RAD51B: variants seen among roughly 807,000 people sequenced by gnomAD.
RAD51B encodes the protein DNA repair protein RAD51 homolog 2.
RAD51B carries 38 observed loss-of-function variants against 42.2 expected under a neutral mutation model. The observed-to-expected ratio is 0.90, with a 90% CI of 0.70 to 1.18. The LOEUF is 1.18. Ranked by LOEUF, RAD51B falls within the 50% of genes most tolerant of loss-of-function variation. The probability of loss-of-function intolerance (pLI) is 0.00; values close to 1 mark genes in which losing one functional copy is unlikely to be tolerated. For missense variants in RAD51B, 373 were observed against 400.7 expected (o/e 0.93, Z 0.59); for synonymous variants, 154 against 145.2 (o/e 1.06, Z -0.43).
chr14:68,615,036 C>T (rs941720464), downstream of RAD51B, among the ~76,000 whole-genome samples: 9 of 152,138 alleles, frequency 5.9e-5, no homozygotes, highest in Admixed American at 5.9e-4. Flanking sequence ...CCAGGCCCAG[C>T]TAATTTTTGT....
chr14:68,481,601 TG>T (rs568020419), downstream of RAD51B, among the ~76,000 whole-genome samples: 83 of 152,358 alleles, frequency 5.4e-4, no homozygotes, highest in Non-Finnish European at 9.8e-4. Flanking sequence ...TCTTCTCTAA[TG>T]CTTCCAGTAA....
intron 9 of RAD51B, among the ~76,000 whole-genome samples, chr14:68,427,870 T>G (rs2084892178): frequency 6.6e-6 from 1 of 152,214 alleles, no homozygotes; most frequent in African/African-American, 2.4e-5. Context: ...AAAATACATG[T>G]GTTGGAAACT....
chr14:68,346,228 A>G (rs566853032), intron 8 of RAD51B, among the ~76,000 whole-genome samples: 2 of 152,354 alleles, frequency 1.3e-5, no homozygotes, highest in Middle Eastern at 3.4e-3. Context: ...TTCAAAAGCC[A>G]CAAGGACAGA....
chr14:67,922,855 C>A (rs1274138128), intron 7 of RAD51B, among the ~76,000 whole-genome samples: 1 of 152,070 alleles, frequency 6.6e-6, no homozygotes, highest in Non-Finnish European at 1.5e-5. Flanking sequence ...CCACGCCTGG[C>A]TAATTTTTGT....
intron 10 of RAD51B, among the ~76,000 whole-genome samples, chr14:68,580,396 G>A (rs185808148): frequency 6.6e-6 from 1 of 152,250 alleles, no homozygotes; most frequent in Admixed American, 6.5e-5. Context: ...GAGGAGGCCT[G>A]TCCTACCTTT....
chr14:68,009,877 A>G (rs2075654822), intron 7 of RAD51B, among the ~76,000 whole-genome samples: 1 of 151,858 alleles, frequency 6.6e-6, no homozygotes, highest in African/African-American at 2.4e-5. Context: ...ATTATCTTAG[A>G]CTATTCTATC....
At chr14:68,439,930 G>C (rs1396375603) in intron 9 of RAD51B, among the ~76,000 whole-genome samples, 2 of 152,108 alleles carry the variant, frequency 1.3e-5, no homozygotes, top group South Asian at 2.1e-4. Context: ...CCCTTTAATT[G>C]GTTCATGTCG....
chr14:68,477,530 C>A (rs1357205788), intron 10 of RAD51B, 118 bp from the exon 11 acceptor site: 1 of 1,228,604 alleles, frequency 8.1e-7, no homozygotes, highest in Non-Finnish European at 1.1e-6. Context: ...GTGGGCAATA[C>A]GTATGAAAGA....
intron 10 of RAD51B, chr14:68,561,886 A>G (rs2525503): frequency 0.52 from 453,613 of 875,610 alleles, 118,596 homozygotes; most frequent in East Asian, 0.55. Flanking sequence ...AAGGAGGACA[A>G]CAGTCTTCCA....
intron 7 of RAD51B, among the ~76,000 whole-genome samples, chr14:68,184,137 CT>C (rs1209755301): frequency 1.3e-5 from 2 of 151,458 alleles, no homozygotes; most frequent in African/African-American, 4.9e-5. Flanking sequence ...TGGCATGCAC[CT>C]GTACTTGGAT....
rs1303261662 is a variant in RAD51B at position 68,034,281 on chromosome 14, G to A, written c.756+147077G>A. Among the ~76,000 whole-genome samples the A allele has an allele frequency of 6.7e-5, 10 of 149,194 alleles. No individual in the cohort carries two copies. The South Asian group carries it at 1.9e-3, about 28-fold the overall frequency. On this transcript the variant is annotated intron_variant, in intron 7 of 10. Coordinates refer to ENST00000471583, the MANE Select transcript of RAD51B (RefSeq NM_133510.4). ...ATCATCTGCTTTTTTTTTTTTTGGT[G>A]GTGGGGTGGGAACATGGTCTTGCTC...
At chr14:68,064,094 C>T (rs2076612169) in intron 7 of RAD51B, among the ~76,000 whole-genome samples, 1 of 152,170 alleles carries the variant, frequency 6.6e-6, no homozygotes, top group African/African-American at 2.4e-5. Context: ...CATTCTTTTG[C>T]TTACAGATGT....
At chr14:68,047,089 G>A (rs2076314238) in intron 7 of RAD51B, among the ~76,000 whole-genome samples, 1 of 151,122 alleles carries the variant, frequency 6.6e-6, no homozygotes, top group South Asian at 2.1e-4. Flanking sequence ...TTATTTATTT[G>A]TAGCTGCATA....
intron 7 of RAD51B, among the ~76,000 whole-genome samples, chr14:68,064,889 G>A (rs77820426): frequency 3.3e-5 from 5 of 151,798 alleles, no homozygotes; most frequent in Non-Finnish European, 2.9e-5. Context: ...CTATTTTATC[G>A]AATTGTCTAT....
At chr14:67,971,489 T>A (rs1055788688) in intron 7 of RAD51B, among the ~76,000 whole-genome samples, 3 of 152,100 alleles carry the variant, frequency 2.0e-5, no homozygotes, top group Admixed American at 1.3e-4. Flanking sequence ...TTCCTTTCCT[T>A]CTCTGCAAAG....
chr14:67,834,934 G>A, intron 3 of RAD51B, 146 bp from the exon 4 acceptor site: 1 of 627,098 alleles, frequency 1.6e-6, no homozygotes, highest in South Asian at 2.0e-5. Context: ...CCCTGGCACA[G>A]AGTAAATATT....
At chr14:68,147,413 C>T (rs1241669915) in intron 7 of RAD51B, among the ~76,000 whole-genome samples, 2 of 152,114 alleles carry the variant, frequency 1.3e-5, no homozygotes, top group African/African-American at 2.4e-5. Context: ...CTATATTCTG[C>T]TTGAAATTCT....
intron 10 of RAD51B, among the ~76,000 whole-genome samples, chr14:68,546,786 G>A (rs987736406): frequency 1.3e-5 from 2 of 152,276 alleles, no homozygotes; most frequent in South Asian, 2.1e-4. Context: ...GGATAGCATG[G>A]GCCCTACCTA....
intron 7 of RAD51B, among the ~76,000 whole-genome samples, chr14:68,240,713 C>G (rs17105239): frequency 0.03 from 4,519 of 152,248 alleles, 230 homozygotes; most frequent in African/African-American, 0.1. Context: ...AGGACATTAG[C>G]CCAAGGAAAT....
Sources: allele counts gnomAD v4.1 joint callset (sites outside exome capture counted in the v4.1 genomes callset), GRCh38; gene constraint gnomAD v4.1.1; transcripts MANE v1.5; gene names NCBI Gene and HGNC (gene_info 2026-07-23, HGNC 2026-07-21).